CTBP1: variants seen among roughly 807,000 people sequenced by gnomAD.
CTBP1 encodes the protein C-terminal-binding protein 1.
A neutral mutation model predicts 42.1 loss-of-function variants in CTBP1; 11 were observed. The observed-to-expected ratio is 0.26, with a 90% CI of 0.16 to 0.43. The LOEUF (loss-of-function observed/expected upper bound fraction) is 0.43, where lower values mean the gene tolerates loss of function less well. CTBP1 is among the 20% of genes least tolerant of loss of function. CTBP1 has a pLI of 1.00. For synonymous variants in CTBP1, 324 were observed against 277.1 expected, an observed-to-expected ratio of 1.17 and a Z score of -1.68; for missense variants, 399 against 624.3, an observed-to-expected ratio of 0.64 and a Z score of 3.85.
At chr4:1,243,191 A>G (rs1297391518) in intron 1 of CTBP1, 1 of 985,314 alleles carries the variant, frequency 1.0e-6, no homozygotes, top group East Asian at 1.1e-4. Flanking sequence ...CTGGAGGATC[A>G]TCGATACCCA....
At chr4:1,245,302 T>C (rs951628099) in intron 1 of CTBP1, 1 of 985,314 alleles carries the variant, frequency 1.0e-6, no homozygotes, top group South Asian at 4.7e-5. Context: ...AGGACATCCG[T>C]GGAGCCGCAC....
chr4:1,240,159 G>A (rs1235567443), intron 2 of CTBP1, among the ~76,000 whole-genome samples: 4 of 150,886 alleles, frequency 2.7e-5, no homozygotes, highest in Non-Finnish European at 4.4e-5. Context: ...AGTGGGAACC[G>A]GGTCCCTCGT....
At position 1,214,374 on chromosome 4, in the gene CTBP1, C is replaced by A. The variant is rs1728877921; in HGVS notation, c.829G>T (p.Ala277Ser). 6.4e-7 allele frequency: 1 copy of A among 1,566,594 alleles called. No individual in the cohort carries two copies. Among genetic ancestry groups the A allele is most frequent in the Admixed American group, 2.0e-5 (1 of 50,108 alleles). The stretch of plus-strand genomic sequence containing the variant: ...GGTTCCGACTCGTGCACATCCAGGG[C>A]CGCGCCGCGGATCCGGCCCTCCTTC... ...ALKEGRIRGA[A>S]LDVHESEPFS... Residue 277 changes from alanine to serine, a missense_variant, in exon 7 of 10, where the codon GCC becomes TCC. Ala to Ser is a moderately conservative substitution (Grantham distance 99). Coordinates refer to ENST00000382952, the MANE Select transcript of CTBP1 (RefSeq NM_001012614.2).
chr4:1,224,546 G>T, intron 5 of CTBP1, among the ~76,000 whole-genome samples: 1 of 151,698 alleles, frequency 6.6e-6, no homozygotes, highest in East Asian at 1.9e-4. Context: ...GTGCAGGCCC[G>T]TGAGGCCCAC....
At chr4:1,245,680 C>T (rs528509977) in intron 1 of CTBP1, 783 of 981,664 alleles carry the variant, frequency 8.0e-4, no homozygotes, top group Non-Finnish European at 9.3e-4. Context: ...CAGGGTGGCA[C>T]GGGTGGGCAG....
intron 1 of CTBP1, chr4:1,248,554 C>T: frequency 4.7e-6 from 2 of 424,396 alleles, no homozygotes; most frequent in Non-Finnish European, 6.3e-6. Context: ...GGGGTAGCGG[C>T]CGGGGATCGG....
intron 3 of CTBP1, among the ~76,000 whole-genome samples, chr4:1,230,611 C>A (rs986520893): frequency 2.0e-5 from 3 of 152,204 alleles, no homozygotes; most frequent in African/African-American, 7.2e-5. Flanking sequence ...ACAGGCTGGA[C>A]AGACCCACAC....
At chr4:1,220,619 C>A (rs910060075) in intron 5 of CTBP1, among the ~76,000 whole-genome samples, 1 of 152,244 alleles carries the variant, frequency 6.6e-6, no homozygotes, top group African/African-American at 2.4e-5. Flanking sequence ...GGCTCACAGC[C>A]GTGCAGACAG....
rs1733092409 is a variant in CTBP1 at position 1,249,089 on chromosome 4, C to G, written c.-362G>C. 1 of 258,022 alleles carries G rather than the reference C, an allele frequency of 3.9e-6. No homozygotes were observed. The highest frequency in any genetic ancestry group is 5.9e-6 in the Non-Finnish European group (1 of 168,482). The allele number at this position is 258,022 out of a possible 1,614,324, so 16.0% of individuals were successfully genotyped here. The stretch of plus-strand genomic sequence containing the variant: ...GCGCCTGGCCGCCGCCGTGCCGAGT[C>G]TCCGCCGCGCCGCTGAGCCGCGCTC... On this transcript the variant is annotated 5_prime_UTR_variant, in exon 1 of 10. Coordinates refer to ENST00000382952, the MANE Select transcript of CTBP1 (RefSeq NM_001012614.2).
chr4:1,246,763 C>T (rs1454922619), intron 1 of CTBP1, among the ~76,000 whole-genome samples: 2 of 152,180 alleles, frequency 1.3e-5, no homozygotes, highest in African/African-American at 4.8e-5. Context: ...CTCTAAGCCC[C>T]GAGGGAAGAG....
chr4:1,224,204 A>C (rs1018624192), intron 5 of CTBP1, among the ~76,000 whole-genome samples: 1 of 152,168 alleles, frequency 6.6e-6, no homozygotes, highest in Non-Finnish European at 1.5e-5. Context: ...ATGTGTGTCC[A>C]TGTGAGGTCA....
intron 3 of CTBP1, among the ~76,000 whole-genome samples, chr4:1,230,618 ACAC>A (rs1730866892): frequency 6.6e-6 from 1 of 152,212 alleles, no homozygotes; most frequent in African/African-American, 2.4e-5. Flanking sequence ...GGACAGACCC[ACAC>A]CACACAGGCT....
chr4:1,244,099 C>A (rs1202967239), intron 1 of CTBP1: 2 of 985,314 alleles, frequency 2.0e-6, no homozygotes, highest in African/African-American at 1.7e-5. Context: ...TCCCGGGGGG[C>A]TGCACGGTGG....
intron 1 of CTBP1, chr4:1,242,917 C>G (rs1005113726): frequency 9.1e-6 from 9 of 985,098 alleles, no homozygotes; most frequent in African/African-American, 1.7e-5. Context: ...CAATGCCAGC[C>G]GATACTCATC....
chr4:1,239,367 C>T (rs989098163), intron 2 of CTBP1, among the ~76,000 whole-genome samples: 8 of 152,152 alleles, frequency 5.3e-5, no homozygotes, highest in Admixed American at 3.9e-4. Context: ...CTCCAAAGAC[C>T]GGCCACAGGA....
At chr4:1,228,986 C>T (rs972796997) in intron 3 of CTBP1, among the ~76,000 whole-genome samples, 1 of 152,242 alleles carries the variant, frequency 6.6e-6, no homozygotes, top group Admixed American at 6.5e-5. Flanking sequence ...GTGTTCACAA[C>T]AGTCACGTTT....
At chr4:1,245,165 C>T (rs1419978652) in intron 1 of CTBP1, 16 of 985,456 alleles carry the variant, frequency 1.6e-5, no homozygotes, top group Non-Finnish European at 1.9e-5. Context: ...GCACCTTGGA[C>T]GGCAGCATCC....
chr4:1,212,526 G>T, intron 9 of CTBP1, 103 bp from the exon 10 acceptor site: 1 of 1,026,850 alleles, frequency 9.7e-7, no homozygotes. Context: ...TCTCCAGGAG[G>T]ACCAGCAGTC....
chr4:1,244,023 C>G (rs907478328), intron 1 of CTBP1: 1 of 985,316 alleles, frequency 1.0e-6, no homozygotes, highest in African/African-American at 1.7e-5. Flanking sequence ...AAAACAAAAA[C>G]TGATTTTAAA....
Sources: allele counts gnomAD v4.1 joint callset (sites outside exome capture counted in the v4.1 genomes callset), GRCh38; gene constraint gnomAD v4.1.1; transcripts MANE v1.5; gene names NCBI Gene and HGNC (gene_info 2026-07-23, HGNC 2026-07-21).